TLL2: variants seen among roughly 807,000 people sequenced by gnomAD.
TLL2 encodes tolloid like 2, also known as tolloid-like protein 2.
A neutral mutation model predicts 123.0 loss-of-function variants in TLL2; 106 were observed. The ratio of observed to expected loss-of-function variants is 0.86; its 90% confidence interval spans 0.74 to 1.01. The LOEUF (loss-of-function observed/expected upper bound fraction) is 1.01. Ranked by LOEUF, TLL2 falls within the 50% of genes least tolerant of loss-of-function variation. The pLI is 0.00. For synonymous variants in TLL2, 494 were observed against 516.8 expected (o/e 0.96, Z 0.60); for missense variants, 1,332 against 1,336.7 (o/e 1.00, Z 0.06).
At position 96,380,622 on chromosome 10, in the gene TLL2, GGCGGAGCTTGCAGTGA is replaced by G. The variant is rs569185015; in HGVS notation, c.2195-1546_2195-1531del. On this transcript the variant is annotated intron_variant, in intron 16 of 20. Transcript: ENST00000357947. ...GCAGGAGAATGGCATGAACCCAGGA[GGCGGAGCTTGCAGTGA>G]GCGGAGATTGCACCACTGCACTCCA... 2.1e-4 allele frequency among the ~76,000 whole-genome samples: 32 copies of G among 148,940 alleles called. No individual in the cohort carries two copies. In the South Asian group the frequency reaches 6.8e-3, roughly 32 times the overall value.
rs148989097 is a variant in TLL2, at chr10:96,386,096, T to G, written c.1972A>C (p.Ile658Leu). 6 of 1,611,456 alleles carry G rather than the reference T, an allele frequency of 3.7e-6. No homozygotes were observed. The African/African-American group carries it at 6.7e-5, about 18-fold the overall frequency. The change falls in exon 15 of 21, where the codon ATC becomes CTC. Residue 658 changes from isoleucine to leucine, a missense_variant. By Grantham distance (5) the Ile-to-Leu change is conservative (BLOSUM62 2). Transcript: ENST00000357947. ...TCAAACACTTCAAACTGAAGGGAGA[T>G]CCGGTACTGAGCGGGGGCCACCACC... ...WQVVAPAQYR[I>L]SLQFEVFELE... is the part of the protein sequence containing the mutation.
intron 13 of TLL2, among the ~76,000 whole-genome samples, chr10:96,392,447 G>GTT (rs201122210): frequency 1.7e-3 from 251 of 146,688 alleles, no homozygotes; most frequent in Non-Finnish European, 2.6e-3. Context: ...TAGGCATCCT[G>GTT]TTTTTTTTTT....
At chr10:96,490,126 T>A (rs999503763) in intron 1 of TLL2, among the ~76,000 whole-genome samples, 1 of 151,500 alleles carries the variant, frequency 6.6e-6, no homozygotes, top group Non-Finnish European at 1.5e-5. Context: ...TGGAAAAAAA[T>A]TAAAATAATA....
rs1233130306 is a variant in TLL2, at chr10:96,365,315, C to T, written c.*2773G>A. 4 of 152,198 alleles carry T rather than the reference C, an allele frequency of 2.6e-5. No individual in the cohort carries two copies. The highest frequency in any genetic ancestry group is 4.4e-5 in the Non-Finnish European group (3 of 68,032). The allele number at this position is 152,198 out of a possible 1,614,324, so 9.4% of individuals were successfully genotyped here. A position where few individuals can be genotyped will look rare whatever the true frequency, so the allele number is the denominator to read the frequency against. Reference sequence around the variant, plus strand: ...GAGGAAAATAGAGGGAATAGTGGATCAATGAACAGCCTCTCTTTCTCTGTT... The same window carrying T: ...GAGGAAAATAGAGGGAATAGTGGATTAATGAACAGCCTCTCTTTCTCTGTT... On this transcript the variant is annotated 3_prime_UTR_variant, in exon 21 of 21. Transcript: ENST00000357947.
chr10:96,435,944 C>A lies in TLL2; in HGVS notation c.365-2982G>T, dbSNP rs552788169. ...ATACATTCTTTAAGTTCCATTTAGA[C>A]TTTCTTCTTTGACCTCTGAATTATT... is the stretch of plus-strand genomic sequence containing the variant. On this transcript the variant is annotated intron_variant, in intron 3 of 20. Transcript: ENST00000357947. 2.3e-3 allele frequency among the ~76,000 whole-genome samples: 346 copies of A among 152,136 alleles called. 1 individual carries two copies. The highest frequency in any genetic ancestry group is 4.2e-3 in the Non-Finnish European group (284 of 68,018).
intron 7 of TLL2, among the ~76,000 whole-genome samples, chr10:96,414,104 G>A (rs1474538193): frequency 6.6e-6 from 1 of 152,164 alleles, no homozygotes; most frequent in Non-Finnish European, 1.5e-5. Context: ...GTTGCCAGCT[G>A]AGCGCTGGCC....
chr10:96,408,427 T>G (rs574329592), intron 9 of TLL2, among the ~76,000 whole-genome samples: 1 of 152,330 alleles, frequency 6.6e-6, no homozygotes, highest in Non-Finnish European at 1.5e-5. Context: ...ATTTCAATGA[T>G]GTATATTCTC....
At chr10:96,376,883 A>T (rs1176167631) in intron 17 of TLL2, 64 bp from the exon 18 acceptor site, 4 of 1,445,694 alleles carry the variant, frequency 2.8e-6, no homozygotes, top group Non-Finnish European at 3.6e-6. Context: ...CACAAGAAGG[A>T]TTCTAGGGGG....
intron 2 of TLL2, among the ~76,000 whole-genome samples, chr10:96,478,797 T>C (rs1297174451): frequency 6.6e-6 from 1 of 151,992 alleles, no homozygotes; most frequent in Admixed American, 6.6e-5. Context: ...TTGGGACACG[T>C]ATTAACTGGG....
chr10:96,455,223 C>T (rs773282878), intron 2 of TLL2, among the ~76,000 whole-genome samples: 34 of 150,808 alleles, frequency 2.3e-4, no homozygotes, highest in African/African-American at 7.3e-4. Context: ...AGTGAGACTC[C>T]GCCTCAAAAA....
At position 96,368,069 on chromosome 10, in the gene TLL2, T is replaced by G; in HGVS notation, c.*19A>C. 1.2e-6 allele frequency: 2 copies of G among 1,610,366 alleles called. No individual in the cohort carries two copies. The highest frequency in any genetic ancestry group is 1.7e-6 in the Non-Finnish European group (2 of 1,177,978). ...AAACAAAAAAAATTCTCAGTTTCTG[T>G]CTTTCAAGAACATCAGCACTATTTC... is the stretch of plus-strand genomic sequence containing the variant. On this transcript the variant is annotated 3_prime_UTR_variant, in exon 21 of 21. Coordinates refer to ENST00000357947, the MANE Select transcript of TLL2 (RefSeq NM_012465.4).
intron 2 of TLL2, among the ~76,000 whole-genome samples, chr10:96,474,129 C>G (rs565689485): frequency 1.3e-5 from 2 of 152,290 alleles, no homozygotes; most frequent in African/African-American, 4.8e-5. Flanking sequence ...CAATGCCTGC[C>G]CAGGACTCCC....
chr10:96,368,215 T>C lies in TLL2; in HGVS notation c.2921A>G (p.Glu974Gly), dbSNP rs1353781503. Residue 974 changes from glutamate (E) to glycine (G), a missense_variant, in exon 21 of 21, where the codon GAA becomes GGA. Physicochemically the swap from Glu to Gly is moderately conservative, Grantham distance 98 (BLOSUM62 -2). Coordinates refer to ENST00000357947, the MANE Select transcript of TLL2 (RefSeq NM_012465.4). ...LGRFCGSGPL[E>G]EIYSAGDSLM... The stretch of plus-strand genomic sequence containing the variant: ...GGAATCACCTGCAGAGTAGATTTCT[T>C]CTAATGGCTGAGGAAAGGAGAAAGG... 1.9e-6 allele frequency: 3 copies of C among 1,614,044 alleles called. No individual in the cohort carries two copies. The highest frequency in any genetic ancestry group is 8.5e-7 in the Non-Finnish European group (1 of 1,180,014).
At chr10:96,418,228 T>A (rs1240079895) in intron 7 of TLL2, among the ~76,000 whole-genome samples, 1 of 152,076 alleles carries the variant, frequency 6.6e-6, no homozygotes, top group Non-Finnish European at 1.5e-5. Context: ...AAAAAATACA[T>A]ATATATATTT....
chr10:96,446,252 C>A, intron 2 of TLL2, 84 bp from the exon 3 acceptor site: 2 of 1,307,128 alleles, frequency 1.5e-6, no homozygotes, highest in South Asian at 2.4e-5. Context: ...CAAACCTGGT[C>A]ACCTGGGGAG....
At chr10:96,459,344 T>C (rs184749648) in intron 2 of TLL2, among the ~76,000 whole-genome samples, 3 of 151,932 alleles carry the variant, frequency 2.0e-5, no homozygotes, top group Admixed American at 6.6e-5. Context: ...TTAAAACATA[T>C]AAGGCCGGAT....
chr10:96,439,383 C>G (rs900161247), intron 3 of TLL2, among the ~76,000 whole-genome samples: 1 of 151,546 alleles, frequency 6.6e-6, no homozygotes, highest in African/African-American at 2.4e-5. Context: ...TTACAGGTGT[C>G]TAAAACTTTT....
In TLL2 at chr10:96,387,044, C is replaced by A. The variant is rs1846242209; in HGVS notation, c.1761G>T (p.Gly587=). 12 of 1,614,044 alleles carry A rather than the reference C, an allele frequency of 7.4e-6. No homozygotes were observed. The South Asian group carries it at 9.9e-5, about 13-fold the overall frequency. The change falls in exon 14 of 21, where the codon GGG becomes GGT. Residue 587 remains glycine, a synonymous_variant. Transcript: ENST00000357947. The part of the protein sequence containing the change: ...VDECSWPDHG[G]CEHRCVNTLG... ...GCGTGTTCACACAGCGATGCTCGCA[C>A]CCGCCGTGATCTGGCCAGGAACACT...
At chr10:96,493,480 G>C (rs1277421860) in intron 1 of TLL2, among the ~76,000 whole-genome samples, 4 of 152,168 alleles carry the variant, frequency 2.6e-5, no homozygotes, top group Non-Finnish European at 4.4e-5. Context: ...GGCAGGAGCA[G>C]GAGGGGTGCA....
Sources: allele counts gnomAD v4.1 joint callset (sites outside exome capture counted in the v4.1 genomes callset), GRCh38; gene constraint gnomAD v4.1.1; transcripts MANE v1.5; gene names NCBI Gene and HGNC (gene_info 2026-07-23, HGNC 2026-07-21).